The following NALF1 variants were observed in gnomAD, a reference collection of about 807,000 sequenced individuals.
The protein encoded by NALF1 is NALCN channel auxiliary factor 1.
A neutral mutation model predicts 48.4 loss-of-function variants in NALF1; 3 were observed. That is an observed-to-expected ratio of 0.06 (90% CI 0.03 to 0.16). The LOEUF is 0.16. NALF1 is among the 10% of genes least tolerant of loss of function. NALF1 has a pLI of 1.00. For missense variants in NALF1, 526 were observed against 571.5 expected (o/e 0.92, Z 0.81); for synonymous variants, 262 against 245.7 (o/e 1.07, Z -0.62).
chr13:107,494,934 A>G (rs1875282039), intron 1 of NALF1, among the ~76,000 whole-genome samples: 1 of 152,220 alleles, frequency 6.6e-6, no homozygotes, highest in Non-Finnish European at 1.5e-5. Context: ...TATGGAAACT[A>G]AGTCTCACGA....
intron 1 of NALF1, among the ~76,000 whole-genome samples, chr13:107,677,340 C>T (rs536155528): frequency 1.3e-5 from 2 of 152,150 alleles, no homozygotes; most frequent in Non-Finnish European, 2.9e-5. Context: ...CCGTGCCCAG[C>T]CAATAGTACT....
chr13:107,414,841 A>C (rs1884058662), intron 1 of NALF1, among the ~76,000 whole-genome samples: 1 of 151,888 alleles, frequency 6.6e-6, no homozygotes, highest in Non-Finnish European at 1.5e-5. Context: ...GTATGTGTTT[A>C]ATCAATTCTT....
intron 1 of NALF1, among the ~76,000 whole-genome samples, chr13:107,261,459 C>A (rs1880925689): frequency 6.6e-6 from 1 of 152,180 alleles, no homozygotes; most frequent in Non-Finnish European, 1.5e-5. Context: ...GCTCTACAAT[C>A]TGACTCATGT....
intron 2 of NALF1, among the ~76,000 whole-genome samples, chr13:107,170,994 A>G (rs1316657561): frequency 2.6e-5 from 4 of 152,206 alleles, no homozygotes; most frequent in Non-Finnish European, 5.9e-5. Flanking sequence ...GTTCTTTTAT[A>G]TTCCTGCCAG....
intron 1 of NALF1, among the ~76,000 whole-genome samples, chr13:107,613,722 T>C (rs1033354107): frequency 5.3e-5 from 8 of 152,198 alleles, no homozygotes; most frequent in African/African-American, 1.9e-4. Flanking sequence ...TAACACAGCA[T>C]AGCGCTTAGC....
At chr13:107,243,930 CTAAT>C (rs766866976) in intron 1 of NALF1, among the ~76,000 whole-genome samples, 9 of 152,114 alleles carry the variant, frequency 5.9e-5, no homozygotes, top group Non-Finnish European at 1.2e-4. Context: ...ACCTCCTACC[CTAAT>C]TAATTGGCTG....
chr13:107,363,397 C>A (rs1883099207), intron 1 of NALF1, among the ~76,000 whole-genome samples: 1 of 152,102 alleles, frequency 6.6e-6, no homozygotes, highest in Non-Finnish European at 1.5e-5. Context: ...AGTTTGAGAT[C>A]AGCCCGGACA....
chr13:107,788,099 C>T (rs552157377), intron 1 of NALF1, among the ~76,000 whole-genome samples: 1 of 152,278 alleles, frequency 6.6e-6, no homozygotes, highest in African/African-American at 2.4e-5. Context: ...TGGATGTCAT[C>T]CTTAGCATTT....
At chr13:107,373,407 G>T (rs527970771) in intron 1 of NALF1, among the ~76,000 whole-genome samples, 3 of 152,222 alleles carry the variant, frequency 2.0e-5, no homozygotes, top group African/African-American at 7.2e-5. Flanking sequence ...CAGAGTAAAT[G>T]AACTGACTGA....
At chr13:107,744,877 T>C (rs570149365) in intron 1 of NALF1, among the ~76,000 whole-genome samples, 48 of 152,222 alleles carry the variant, frequency 3.2e-4, no homozygotes, top group Admixed American at 6.5e-4. Context: ...TTAAAAAGAA[T>C]TAACCAAAAA....
intron 1 of NALF1, among the ~76,000 whole-genome samples, chr13:107,782,985 C>A (rs1258863594): frequency 4.1e-5 from 6 of 147,720 alleles, no homozygotes; most frequent in Non-Finnish European, 9.0e-5. Context: ...CAGCCCCCCG[C>A]CCGGCCAGCC....
chr13:107,170,475 T>C lies in NALF1; in HGVS notation c.*22A>G. 6.4e-7 allele frequency: 1 copy of C among 1,568,044 alleles called. No homozygotes were observed. The highest frequency in any genetic ancestry group is 8.6e-7 in the Non-Finnish European group (1 of 1,156,200). On this transcript the variant is annotated 3_prime_UTR_variant, in exon 3 of 3. Transcript: ENST00000375915. ...TTTTTCACGGCGGGCCAGCTGCTGC[T>C]GTGGTGACACTCGTCCTTCCGTTAC...
intron 1 of NALF1, among the ~76,000 whole-genome samples, chr13:107,404,603 A>G (rs1157854487): frequency 6.6e-6 from 1 of 152,134 alleles, no homozygotes; most frequent in Admixed American, 6.6e-5. Flanking sequence ...GGTATTGAAC[A>G]ATACACAGAG....
At chr13:107,296,149 T>C (rs1268205540) in intron 1 of NALF1, among the ~76,000 whole-genome samples, 1 of 152,232 alleles carries the variant, frequency 6.6e-6, no homozygotes, top group South Asian at 2.1e-4. Flanking sequence ...ATAGAAAAAT[T>C]ACACAATATC....
At chr13:107,193,351 G>T (rs1879321785) in intron 2 of NALF1, among the ~76,000 whole-genome samples, 1 of 152,152 alleles carries the variant, frequency 6.6e-6, no homozygotes, top group Non-Finnish European at 1.5e-5. Flanking sequence ...TAAGCAGGGT[G>T]TTAAACATGC....
chr13:107,606,072 A>C (rs1566412048), intron 1 of NALF1, among the ~76,000 whole-genome samples: 2 of 152,146 alleles, frequency 1.3e-5, no homozygotes. Flanking sequence ...CAGTGCAGGC[A>C]AAATGTGTTT....
intron 1 of NALF1, among the ~76,000 whole-genome samples, chr13:107,444,517 CAA>C (rs1160374084): frequency 1.3e-5 from 2 of 152,016 alleles, no homozygotes; most frequent in Non-Finnish European, 2.9e-5. Flanking sequence ...TGGAATAATG[CAA>C]AAAATCTGTT....
chr13:107,769,812 C>T (rs2138568891), intron 1 of NALF1, among the ~76,000 whole-genome samples: 1 of 152,226 alleles, frequency 6.6e-6, no homozygotes, highest in East Asian at 1.9e-4. Context: ...GCTGTCTGAG[C>T]CTAAAGTATA....
rs591587 is a variant in NALF1, at chr13:107,507,622, A to T, written c.916-296867T>A. On this transcript the variant is annotated intron_variant, in intron 1 of 2. Coordinates refer to ENST00000375915, the MANE Select transcript of NALF1 (RefSeq NM_001080396.3). ...AAAAAAAAAAAAAAAAAAAAAAAAA[A>T]GGGGCAAACACACCCAAGACAGTAG... Among the ~76,000 whole-genome samples the T allele has an allele frequency of 7.2e-3, 928 of 129,096 alleles. 15 individuals carry two copies. Among genetic ancestry groups the T allele is most frequent in the African/African-American group, 0.025 (874 of 35,316 alleles). 84.7% of individuals were successfully genotyped at this position (129,096 alleles called of 152,430 possible). A position where few individuals can be genotyped will look rare whatever the true frequency, so the allele number is the denominator to read the frequency against.
Sources: gnomAD v4.1 joint callset for allele counts (sites outside exome capture counted in the v4.1 genomes callset) on GRCh38, gnomAD v4.1.1 for gene constraint, MANE v1.5 for transcripts, NCBI Gene and HGNC (gene_info 2026-07-23, HGNC 2026-07-21) for gene names.